PSMG2: variants seen among roughly 807,000 people sequenced by gnomAD.
PSMG2 encodes the protein proteasome assembly chaperone 2.
A neutral mutation model predicts 31.5 loss-of-function variants in PSMG2; 21 were observed. The observed-to-expected ratio is 0.67, with a 90% CI of 0.47 to 0.96. The LOEUF (loss-of-function observed/expected upper bound fraction) is 0.96, where lower values mean the gene tolerates loss of function less well. PSMG2 is among the 40% of genes least tolerant of loss of function. The pLI is 0.00. For missense variants in PSMG2, 318 were observed against 321.2 expected (o/e 0.99, Z 0.08); for synonymous variants, 120 against 110.4 (o/e 1.09, Z -0.54).
rs1429364223 is a variant in PSMG2 at position 12,674,735 on chromosome 18, C to T, written c.-37+15962C>T. ...AGGTAGGAGAGCTGGTCTTCCCAAA[C>T]AGTAGTGAGGCCAAGATCCTATGAG... On this transcript the variant is annotated intron_variant, in intron 1 of 6. Transcript: ENST00000585331. 7 of 1,613,670 alleles carry T rather than the reference C, an allele frequency of 4.3e-6. No homozygotes were observed. In the East Asian group the frequency reaches 1.1e-4, roughly 26 times the overall value.
intron 1 of PSMG2, chr18:12,673,448 C>T: frequency 6.3e-7 from 1 of 1,593,564 alleles, no homozygotes; most frequent in Non-Finnish European, 8.5e-7. Context: ...CGGACACGAA[C>T]TGCCAGTCGC....
intron 2 of PSMG2, among the ~76,000 whole-genome samples, chr18:12,709,947 T>C (rs180714228): frequency 6.0e-5 from 9 of 149,784 alleles, no homozygotes; most frequent in African/African-American, 2.2e-4. Context: ...TCATAAACTT[T>C]TTTTTTTTTT....
intron 1 of PSMG2, among the ~76,000 whole-genome samples, chr18:12,677,458 CAAAAAAA>C (rs71174127): frequency 1.4e-3 from 78 of 53,944 alleles, no homozygotes; most frequent in Admixed American, 6.5e-3. Flanking sequence ...GATTCCATCT[CAAAAAAA>C]AAAAAAAAAA....
At chr18:12,708,728 A>C (rs1229325888) in intron 2 of PSMG2, among the ~76,000 whole-genome samples, 2 of 100,586 alleles carry the variant, frequency 2.0e-5, no homozygotes, top group African/African-American at 8.0e-5. Context: ...TTTTTGAGAC[A>C]GAGTTTTGTT....
intron 1 of PSMG2, among the ~76,000 whole-genome samples, chr18:12,677,458 C>CAAAAAAAA (rs71174127): frequency 1.9e-5 from 1 of 53,948 alleles, no homozygotes; most frequent in Non-Finnish European, 3.0e-5. Context: ...GATTCCATCT[C>CAAAAAAAA]AAAAAAAAAA....
chr18:12,665,663 A>G (rs12963505), intron 1 of PSMG2, among the ~76,000 whole-genome samples: 1 of 152,104 alleles, frequency 6.6e-6, no homozygotes, highest in Non-Finnish European at 1.5e-5. Flanking sequence ...ACCTAAATTT[A>G]TAAGAGAATG....
chr18:12,711,419 T>C (rs1305031410), intron 2 of PSMG2, among the ~76,000 whole-genome samples: 1 of 152,192 alleles, frequency 6.6e-6, no homozygotes, highest in Non-Finnish European at 1.5e-5. Context: ...ACTACATGTG[T>C]TTGTCACAGA....
chr18:12,702,495 C>A, upstream of PSMG2: 1 of 1,609,736 alleles, frequency 6.2e-7, no homozygotes, highest in Non-Finnish European at 8.5e-7. Flanking sequence ...CCTTGCTCAG[C>A]TGCTGGTGGA....
At position 12,706,519 on chromosome 18, in the gene PSMG2, G is replaced by T; in HGVS notation, c.58-31G>T. On this transcript the variant is annotated intron_variant, in intron 1 of 6. Coordinates refer to ENST00000317615, the MANE Select transcript of PSMG2 (RefSeq NM_020232.5). ...AAAATAAAGTGCTGCTAATTTTGGT[G>T]ACTTACTGAACATATCTTTTATAAT... 3.7e-6 allele frequency: 6 copies of T among 1,605,726 alleles called. No individual in the cohort carries two copies. The South Asian group carries it at 6.7e-5, about 18-fold the overall frequency.
In PSMG2 at chr18:12,709,278, C is replaced by T. The variant is rs572370594; in HGVS notation, c.229+2557C>T. 5.3e-5 allele frequency among the ~76,000 whole-genome samples: 8 copies of T among 151,842 alleles called. No homozygotes were observed. The South Asian group carries it at 1.2e-3, about 24-fold the overall frequency. On this transcript the variant is annotated intron_variant, in intron 2 of 6. Coordinates refer to ENST00000317615, the MANE Select transcript of PSMG2 (RefSeq NM_020232.5). ...GCCAGGATGGTCTCAATCTCCTGAC[C>T]TCGTGATCTGCCTGCCTCAGCCTCC... is the stretch of plus-strand genomic sequence containing the variant.
chr18:12,673,547 C>T (rs764026270), intron 1 of PSMG2: 63 of 1,419,854 alleles, frequency 4.4e-5, no homozygotes, highest in Non-Finnish European at 5.6e-5. Flanking sequence ...AGTGACCATA[C>T]ACTTTAATTC....
rs144884916 is a variant in PSMG2, at chr18:12,660,599, G to A, written c.-37+1826G>A. Among the ~76,000 whole-genome samples, 172 of 152,224 alleles carry A rather than the reference G, an allele frequency of 1.1e-3. 1 individual carries two copies. The highest frequency in any genetic ancestry group is 6.9e-3 in the East Asian group (36 of 5,182). On this transcript the variant is annotated intron_variant, in intron 1 of 6. Coordinates refer to the PSMG2 transcript ENST00000585331. ...GCCTCCAAAAGCGCTGGGATTACAG[G>A]TGTGAGCCACTGTGCCCGGCCAAAA... is the stretch of plus-strand genomic sequence containing the variant.
intron 1 of PSMG2, among the ~76,000 whole-genome samples, chr18:12,664,698 CTTTTTT>C (rs76222169): frequency 2.9e-5 from 4 of 137,620 alleles, no homozygotes; most frequent in Non-Finnish European, 3.2e-5. Flanking sequence ...TTGTCCTGAT[CTTTTTT>C]TTTTTTTTTT....
intron 1 of PSMG2, among the ~76,000 whole-genome samples, chr18:12,696,930 CTTATAT>C (rs111570248): frequency 0.015 from 2,214 of 152,176 alleles, 62 homozygotes; most frequent in African/African-American, 0.051. Context: ...TCTTTATAGC[CTTATAT>C]TTAATCAAAT....
chr18:12,688,953 A>G (rs2039647831), intron 1 of PSMG2, among the ~76,000 whole-genome samples: 2 of 151,984 alleles, frequency 1.3e-5, no homozygotes, highest in African/African-American at 2.4e-5. Context: ...TCTCTACTAA[A>G]AACACAAAAA....
chr18:12,675,267 G>A (rs1035887884), intron 1 of PSMG2, among the ~76,000 whole-genome samples: 24 of 152,050 alleles, frequency 1.6e-4, no homozygotes, highest in African/African-American at 5.8e-4. Context: ...GTGGTGGCGG[G>A]TGCATGTAGT....
chr18:12,689,781 T>A (rs2039681413), intron 1 of PSMG2, among the ~76,000 whole-genome samples: 1 of 151,978 alleles, frequency 6.6e-6, no homozygotes, highest in Non-Finnish European at 1.5e-5. Context: ...TATATATATG[T>A]ATATTTTTTG....
chr18:12,673,497 A>G (rs1473453157), intron 1 of PSMG2: 1 of 1,576,730 alleles, frequency 6.3e-7, no homozygotes, highest in Non-Finnish European at 8.6e-7. Context: ...CTTCACAGAA[A>G]GGAGATCTAT....
At chr18:12,699,866 G>C, upstream of PSMG2, 1 of 1,595,808 alleles carries the variant, frequency 6.3e-7, no homozygotes, top group South Asian at 1.1e-5. Context: ...AAACAAATAG[G>C]TTGTTTTGGA....
Sources: gnomAD v4.1 joint callset for allele counts (sites outside exome capture counted in the v4.1 genomes callset) on GRCh38, gnomAD v4.1.1 for gene constraint, MANE v1.5 for transcripts, NCBI Gene and HGNC (gene_info 2026-07-23, HGNC 2026-07-21) for gene names.